ATL2: variants seen among roughly 807,000 people sequenced by gnomAD.
ATL2 encodes the protein atlastin GTPase 2, also known as atlastin-2.
In ATL2, 31 loss-of-function variants were observed where a neutral mutation model predicts 73.9. The ratio of observed to expected loss-of-function variants is 0.42; its 90% CI spans 0.32 to 0.57. ATL2 has a LOEUF of 0.57. Among genes scored for constraint, ATL2 ranks in the 20% least tolerant of loss-of-function variants. The probability of loss-of-function intolerance (pLI) is 0.14; values close to 1 mark genes in which losing one functional copy is unlikely to be tolerated. For synonymous variants in ATL2, 291 were observed against 237.5 expected (o/e 1.23, Z -2.07); for missense variants, 738 against 702.6 (o/e 1.05, Z -0.57).
intron 2 of ATL2, among the ~76,000 whole-genome samples, chr2:38,330,839 T>A (rs1404426620): frequency 2.6e-5 from 4 of 152,226 alleles, no homozygotes; most frequent in African/African-American, 2.4e-5. Flanking sequence ...ACTGATAGAA[T>A]CCCAGCTAAC....
intron 2 of ATL2, among the ~76,000 whole-genome samples, chr2:38,321,671 C>T (rs1030695822): frequency 6.6e-6 from 1 of 152,142 alleles, no homozygotes; most frequent in Admixed American, 6.6e-5. Context: ...ACCAATAAGA[C>T]CATCTGGAGA....
intron 1 of ATL2, chr2:38,376,067 G>C (rs564378495): frequency 7.2e-7 from 1 of 1,386,918 alleles, no homozygotes; most frequent in Non-Finnish European, 9.5e-7. Context: ...CTTAAGACAC[G>C]AGCTCGTATC....
chr2:38,294,315 A>G lies in ATL2; in HGVS notation c.*1679T>C, dbSNP rs1388116897. On this transcript the variant is annotated 3_prime_UTR_variant, in exon 13 of 13. Coordinates refer to ENST00000378954, the MANE Select transcript of ATL2 (RefSeq NM_001135673.4). ...TGTAATCCCAACACTTTGGGAGGCC[A>G]AGGCAGGCGGATCACAAGGTCAGGC... Among the ~76,000 whole-genome samples the G allele has an allele frequency of 6.6e-6, 1 of 152,216 alleles. No individual in the cohort carries two copies. Among genetic ancestry groups the G allele is most frequent in the African/African-American group, 2.4e-5 (1 of 41,460 alleles).
At chr2:38,319,736 T>G (rs1041586995) in intron 2 of ATL2, among the ~76,000 whole-genome samples, 1 of 152,198 alleles carries the variant, frequency 6.6e-6, no homozygotes, top group Admixed American at 6.5e-5. Context: ...CCAGGTAGAA[T>G]GACTGTCAAA....
At chr2:38,338,083 T>C (rs1335051700) in intron 2 of ATL2, among the ~76,000 whole-genome samples, 1 of 152,168 alleles carries the variant, frequency 6.6e-6, no homozygotes, top group African/African-American at 2.4e-5. Context: ...CTACAGACAC[T>C]GGAATAATCT....
At chr2:38,325,695 C>CCCACACA (rs1668593040) in intron 2 of ATL2, among the ~76,000 whole-genome samples, 3 of 9,244 alleles carry the variant, frequency 3.2e-4, no homozygotes, top group Non-Finnish European at 5.7e-4. Context: ...CACACACACA[C>CCCACACA]CAGTACACAC....
At chr2:38,340,257 G>T (rs1188787960) in intron 2 of ATL2, among the ~76,000 whole-genome samples, 1 of 150,332 alleles carries the variant, frequency 6.7e-6, no homozygotes, top group African/African-American at 2.4e-5. Flanking sequence ...TGGTAGTAAG[G>T]GTGTATACCT....
intron 2 of ATL2, among the ~76,000 whole-genome samples, chr2:38,329,850 T>C (rs1037263530): frequency 1.3e-5 from 2 of 151,932 alleles, no homozygotes; most frequent in Non-Finnish European, 2.9e-5. Flanking sequence ...AAAAATCAGC[T>C]GGGCATGGTG....
chr2:38,301,938 TGAGGA>T (rs1667212458), intron 9 of ATL2, among the ~76,000 whole-genome samples: 2 of 152,066 alleles, frequency 1.3e-5, no homozygotes, highest in Non-Finnish European at 2.9e-5. Flanking sequence ...TCCTTCTGCG[TGAGGA>T]GAGGAGAGGG....
chr2:38,367,159 T>G (rs1188673519), intron 1 of ATL2, among the ~76,000 whole-genome samples: 1 of 151,802 alleles, frequency 6.6e-6, no homozygotes, highest in African/African-American at 2.4e-5. Context: ...TCAGGTAGGT[T>G]TTTTTTTAGG....
At chr2:38,346,442 C>T (rs781500537) in intron 1 of ATL2, among the ~76,000 whole-genome samples, 1 of 152,132 alleles carries the variant, frequency 6.6e-6, no homozygotes, top group Non-Finnish European at 1.5e-5. Context: ...CCCGTACTCA[C>T]CGCCAATCTC....
At position 38,309,606 on chromosome 2, in the gene ATL2, G is replaced by C. The variant is rs558300473; in HGVS notation, c.944-100C>G. The C allele has an allele frequency of 4.6e-5, 55 of 1,194,364 alleles. No homozygotes were observed. In the East Asian group the frequency reaches 1.3e-3, roughly 29 times the overall value. The allele number at this position is 1,194,364 out of a possible 1,614,324, so 74.0% of individuals were successfully genotyped here. ...CTGTTTTATGAAATAAGAATACATA[G>C]TATCTATTACTGAAGTGGATTCATT... is the stretch of plus-strand genomic sequence containing the variant. On this transcript the variant is annotated intron_variant, in intron 8 of 12. Transcript: ENST00000378954.
At chr2:38,301,536 G>A (rs936001724) in intron 9 of ATL2, among the ~76,000 whole-genome samples, 1 of 152,218 alleles carries the variant, frequency 6.6e-6, no homozygotes, top group Non-Finnish European at 1.5e-5. Flanking sequence ...CCTCTCAGCA[G>A]CAACCACATG....
At chr2:38,310,156 G>T (rs995455913) in intron 8 of ATL2, among the ~76,000 whole-genome samples, 153 bp downstream of exon 8, 1 of 152,150 alleles carries the variant, frequency 6.6e-6, no homozygotes, top group Admixed American at 6.5e-5. Context: ...GAATGCTAGA[G>T]AAACAACACA....
intron 2 of ATL2, among the ~76,000 whole-genome samples, chr2:38,342,169 G>C (rs1330191008): frequency 1.3e-5 from 2 of 151,802 alleles, no homozygotes; most frequent in African/African-American, 4.8e-5. Flanking sequence ...AGATAGGTAA[G>C]TAGCAATTGT....
intron 2 of ATL2, among the ~76,000 whole-genome samples, chr2:38,325,906 TAAAAAAAAA>T (rs761254087): frequency 1.7e-4 from 9 of 52,054 alleles, no homozygotes; most frequent in East Asian, 1.6e-3. Flanking sequence ...TTTGTTTGTT[TAAAAAAAAA>T]AAAAAAAAAA....
chr2:38,295,906 T>G lies in ATL2; in HGVS notation c.*88A>C. 1 of 1,143,686 alleles carries G rather than the reference T, an allele frequency of 8.7e-7. No individual in the cohort carries two copies. The highest frequency in any genetic ancestry group is 2.6e-5 in the East Asian group (1 of 38,216). The allele number at this position is 1,143,686 out of a possible 1,614,324, so 70.8% of individuals were successfully genotyped here. A position where few individuals can be genotyped will look rare whatever the true frequency, so the allele number is the denominator to read the frequency against. On this transcript the variant is annotated 3_prime_UTR_variant, in exon 13 of 13. Transcript: ENST00000378954. ...ACACTAAACTACTTCTACAGTTGAT[T>G]GTAAACTTTGGTTTATTTTTATTTG...
intron 1 of ATL2, among the ~76,000 whole-genome samples, chr2:38,350,523 T>C (rs1670277897): frequency 6.6e-6 from 1 of 152,224 alleles, no homozygotes. Context: ...ACGAAATTGG[T>C]TGATACCTGT....
At chr2:38,342,817 T>C (rs1027782575) in intron 2 of ATL2, among the ~76,000 whole-genome samples, 1 of 152,146 alleles carries the variant, frequency 6.6e-6, no homozygotes, top group Non-Finnish European at 1.5e-5. Context: ...TGTTTCCATA[T>C]GCAGTATATG....
Sources: gnomAD v4.1 joint callset for allele counts (sites outside exome capture counted in the v4.1 genomes callset) on GRCh38, gnomAD v4.1.1 for gene constraint, MANE v1.5 for transcripts, NCBI Gene and HGNC (gene_info 2026-07-23, HGNC 2026-07-21) for gene names.